LMNTD1: variants seen among roughly 807,000 people sequenced by gnomAD.
LMNTD1 encodes the protein lamin tail domain-containing protein 1.
A neutral mutation model predicts 50.9 loss-of-function variants in LMNTD1; 35 were observed. That is an observed-to-expected ratio of 0.69 (90% CI 0.53 to 0.91). The LOEUF (loss-of-function observed/expected upper bound fraction) is 0.91, where lower values mean the gene tolerates loss of function less well. LMNTD1 is among the 40% of genes least tolerant of loss of function. LMNTD1 has a pLI of 0.00. For synonymous variants in LMNTD1, 153 were observed against 161.9 expected (o/e 0.94, Z 0.42); for missense variants, 470 against 475.5 (o/e 0.99, Z 0.11).
chr12:25,568,964 T>C (rs908407551), intron 1 of LMNTD1, among the ~76,000 whole-genome samples: 1 of 152,124 alleles, frequency 6.6e-6, no homozygotes, highest in Non-Finnish European at 1.5e-5. Context: ...CAAGGGGAAA[T>C]ATGAAGTCGG....
intron 7 of LMNTD1, among the ~76,000 whole-genome samples, chr12:25,519,582 TG>T (rs777536396): frequency 0.011 from 329 of 30,706 alleles, 15 homozygotes; most frequent in African/African-American, 0.021. Context: ...AGCGAGACTC[TG>T]TCTCAAAAAA....
At chr12:25,506,318 T>C (rs1032162934) in intron 8 of LMNTD1, among the ~76,000 whole-genome samples, 3 of 152,228 alleles carry the variant, frequency 2.0e-5, no homozygotes, top group South Asian at 2.1e-4. Context: ...AACATTTACA[T>C]AGAAGACAGT....
chr12:25,617,637 G>A (rs1418539432), intron 1 of LMNTD1, among the ~76,000 whole-genome samples: 1 of 152,144 alleles, frequency 6.6e-6, no homozygotes, highest in Non-Finnish European at 1.5e-5. Context: ...GAAACAGTAA[G>A]AATTGATAGA....
At chr12:25,609,169 C>T (rs1392732189) in intron 1 of LMNTD1, among the ~76,000 whole-genome samples, 1 of 152,176 alleles carries the variant, frequency 6.6e-6, no homozygotes, top group Non-Finnish European at 1.5e-5. Context: ...TTTTCAGCTC[C>T]ATCAGGTCAT....
chr12:25,626,433 T>C (rs1156334684), intron 1 of LMNTD1, among the ~76,000 whole-genome samples: 1 of 152,028 alleles, frequency 6.6e-6, no homozygotes, highest in Non-Finnish European at 1.5e-5. Flanking sequence ...GATTTGAAAA[T>C]GCTGGTTATC....
intron 6 of LMNTD1, among the ~76,000 whole-genome samples, chr12:25,525,446 A>G (rs1484770930): frequency 6.6e-6 from 1 of 152,196 alleles, no homozygotes; most frequent in Non-Finnish European, 1.5e-5. Flanking sequence ...TATTTGAGAA[A>G]TGAAAAAATA....
At chr12:25,641,848 T>G (rs983211399) in intron 1 of LMNTD1, among the ~76,000 whole-genome samples, 10 of 151,946 alleles carry the variant, frequency 6.6e-5, no homozygotes, top group Non-Finnish European at 1.5e-4. Flanking sequence ...CCCATCCTAA[T>G]TTTTTTTCAC....
chr12:25,623,584 A>T lies in LMNTD1; in HGVS notation c.58+24910T>A, dbSNP rs1946523970. On this transcript the variant is annotated intron_variant, in intron 1 of 7. Coordinates refer to the LMNTD1 transcript ENST00000445693. Reference sequence around the variant, plus strand: ...AAAAAAAAAAAAAAAAAAAAAAAGGAGAGAAAGCATGCAATCCACTCAAAA... The same window carrying T: ...AAAAAAAAAAAAAAAAAAAAAAAGGTGAGAAAGCATGCAATCCACTCAAAA... Among the ~76,000 whole-genome samples the T allele has an allele frequency of 2.1e-5, 3 of 142,260 alleles. No individual in the cohort carries two copies. The South Asian group carries it at 7.0e-4, about 33-fold the overall frequency. 93.3% of individuals were successfully genotyped at this position (142,260 alleles called of 152,430 possible).
intron 6 of LMNTD1, among the ~76,000 whole-genome samples, chr12:25,525,500 C>T (rs73298430): frequency 0.02 from 3,007 of 152,244 alleles, 117 homozygotes; most frequent in African/African-American, 0.069. Flanking sequence ...TCCCACTCTT[C>T]AGGCTAAATA....
intron 1 of LMNTD1, among the ~76,000 whole-genome samples, chr12:25,593,379 C>T (rs1250202315): frequency 6.6e-6 from 1 of 152,200 alleles, no homozygotes; most frequent in Admixed American, 6.5e-5. Context: ...TGGTTTACAT[C>T]ACAGGACTCT....
chr12:25,574,019 C>G (rs533699995), intron 1 of LMNTD1, among the ~76,000 whole-genome samples: 1 of 152,280 alleles, frequency 6.6e-6, no homozygotes, highest in South Asian at 2.1e-4. Flanking sequence ...CTTTTCTCAA[C>G]TAGCACAGCC....
intron 1 of LMNTD1, among the ~76,000 whole-genome samples, chr12:25,630,109 T>C (rs1946682490): frequency 6.6e-6 from 1 of 152,118 alleles, no homozygotes; most frequent in Non-Finnish European, 1.5e-5. Context: ...TTAGGGTGCC[T>C]GCACATGCTC....
chr12:25,525,770 C>T (rs1174700324), intron 6 of LMNTD1, among the ~76,000 whole-genome samples: 2 of 152,006 alleles, frequency 1.3e-5, no homozygotes, highest in Non-Finnish European at 2.9e-5. Context: ...AGCCCAAATG[C>T]CCATCAGGCA....
chr12:25,552,389 C>T (rs1300432949), intron 2 of LMNTD1, among the ~76,000 whole-genome samples: 1 of 151,566 alleles, frequency 6.6e-6, no homozygotes, highest in African/African-American at 2.4e-5. Context: ...GAGGCCGACG[C>T]GGGCAGATCA....
At chr12:25,558,660 G>A (rs983130136) in intron 1 of LMNTD1, among the ~76,000 whole-genome samples, 7 of 152,170 alleles carry the variant, frequency 4.6e-5, no homozygotes, top group African/African-American at 7.2e-5. Flanking sequence ...CACATGGCCG[G>A]GGAGGCCTCA....
In LMNTD1 at chr12:25,519,982, T is replaced by C; in HGVS notation, c.892A>G (p.Thr298Ala). ...EFNRCSVVSP[T>A]FRKRVFQWTA... ...CACTGAAACACACGCTTTCGGAATG[T>C]TGGAGATACTACTGAACATCTGTTA... The change falls in exon 7 of 10, where the codon ACA becomes GCA. Residue 298 changes from threonine (T) to alanine (A), a missense_variant. Transcript: ENST00000458174. 1.9e-6 allele frequency: 3 copies of C among 1,613,662 alleles called. No individual in the cohort carries two copies. The highest frequency in any genetic ancestry group is 2.5e-6 in the Non-Finnish European group (3 of 1,179,810).
chr12:25,627,306 T>C (rs549535977), intron 1 of LMNTD1, among the ~76,000 whole-genome samples: 2 of 152,224 alleles, frequency 1.3e-5, no homozygotes, highest in Non-Finnish European at 1.5e-5. Flanking sequence ...TTCAGTTCTT[T>C]TTTCTTTTTT....
chr12:25,559,224 T>C (rs1338434672), intron 1 of LMNTD1, among the ~76,000 whole-genome samples: 5 of 151,988 alleles, frequency 3.3e-5, no homozygotes, highest in Admixed American at 3.3e-4. Context: ...GGCCCCAGTG[T>C]GTGATGTTCC....
intron 1 of LMNTD1, among the ~76,000 whole-genome samples, chr12:25,611,349 G>A (rs1419875146): frequency 6.6e-6 from 1 of 152,170 alleles, no homozygotes; most frequent in African/African-American, 2.4e-5. Flanking sequence ...CAGGATCAAA[G>A]GAAGCCTTTG....
Sources: allele counts gnomAD v4.1 joint callset (sites outside exome capture counted in the v4.1 genomes callset), GRCh38; gene constraint gnomAD v4.1.1; transcripts MANE v1.5; gene names NCBI Gene and HGNC (gene_info 2026-07-23, HGNC 2026-07-21).